Variants in CCDC85C observed in about 807,000 individuals in gnomAD.
CCDC85C encodes coiled-coil domain containing 85C, also known as coiled-coil domain-containing protein 85C.
In CCDC85C, 18 loss-of-function variants were observed where a neutral mutation model predicts 38.3. The observed-to-expected ratio is 0.47, with a 90% CI of 0.33 to 0.70. The LOEUF is 0.70. CCDC85C is among the 30% of genes least tolerant of loss of function. CCDC85C has a pLI of 0.03. For synonymous variants in CCDC85C, 264 were observed against 293.8 expected (o/e 0.90, Z 1.04); for missense variants, 566 against 621.2 (o/e 0.91, Z 0.94).
intron 1 of CCDC85C, among the ~76,000 whole-genome samples, chr14:99,579,342 G>A (rs1257792748): frequency 2.0e-5 from 3 of 152,256 alleles, no homozygotes; most frequent in African/African-American, 2.4e-5. Context: ...CTGCTCTGCC[G>A]GTGGAGGAAG....
At chr14:99,598,734 G>T (rs2055169481) in intron 1 of CCDC85C, among the ~76,000 whole-genome samples, 1 of 152,126 alleles carries the variant, frequency 6.6e-6, no homozygotes, top group Non-Finnish European at 1.5e-5. Flanking sequence ...AGCCCCACAG[G>T]ACCTAGAGCA....
intron 1 of CCDC85C, among the ~76,000 whole-genome samples, chr14:99,571,699 A>C (rs1240976661): frequency 6.6e-6 from 1 of 152,238 alleles, no homozygotes; most frequent in East Asian, 1.9e-4. Flanking sequence ...TAGAGAAAAA[A>C]AGTGGCTGGG....
At chr14:99,566,990 C>G (rs969437866) in intron 1 of CCDC85C, among the ~76,000 whole-genome samples, 3 of 152,222 alleles carry the variant, frequency 2.0e-5, no homozygotes, top group African/African-American at 7.2e-5. Flanking sequence ...AGGCAGCGCT[C>G]CAGCCTCAAG....
At chr14:99,524,969 C>T (rs1897355857) in intron 2 of CCDC85C, among the ~76,000 whole-genome samples, 1 of 152,236 alleles carries the variant, frequency 6.6e-6, no homozygotes, top group African/African-American at 2.4e-5. Flanking sequence ...GAATCCTTAA[C>T]AGGGTGGGGC....
At chr14:99,553,430 T>C (rs1897951419) in intron 1 of CCDC85C, among the ~76,000 whole-genome samples, 1 of 152,136 alleles carries the variant, frequency 6.6e-6, no homozygotes, top group Admixed American at 6.5e-5. Flanking sequence ...AATGGTGCGA[T>C]CTCAGCTCAC....
At chr14:99,577,908 TCCC>T (rs1407895980) in intron 1 of CCDC85C, among the ~76,000 whole-genome samples, 6 of 138,368 alleles carry the variant, frequency 4.3e-5, no homozygotes, top group East Asian at 2.2e-4. Context: ...CCATCCTGTA[TCCC>T]CCATCAGTGT....
rs1229357554 is a variant in CCDC85C at position 99,520,756 on chromosome 14, C to T, written c.975+1377G>A. Among the ~76,000 whole-genome samples the T allele has an allele frequency of 1.3e-5, 2 of 152,212 alleles. No homozygotes were observed. The highest frequency in any genetic ancestry group is 4.8e-5 in the African/African-American group (2 of 41,458). Reference sequence around the variant, plus strand: ...GGACGCACTCACCATGGGGCCCTGGCCATCCACCCCACCCCTGTGAGCCTC... The same window carrying T: ...GGACGCACTCACCATGGGGCCCTGGTCATCCACCCCACCCCTGTGAGCCTC... On this transcript the variant is annotated intron_variant, in intron 3 of 5. Transcript: ENST00000380243. This position sits in a 1 kb window ranked among gnomAD's most constrained non-coding sequence, Gnocchi z 4.1.
Position 99,604,168 on chromosome 14 carries a change from C to T in CCDC85C, c.-209G>A. 1 of 314,882 alleles carries T rather than the reference C, an allele frequency of 3.2e-6. No individual in the cohort carries two copies. The highest frequency in any genetic ancestry group is 4.6e-6 in the Non-Finnish European group (1 of 219,054). The allele number at this position is 314,882 out of a possible 1,614,324, so 19.5% of individuals were successfully genotyped here. A position where few individuals can be genotyped will look rare whatever the true frequency, so the allele number is the denominator to read the frequency against. On this transcript the variant is annotated 5_prime_UTR_variant, in exon 1 of 6. Coordinates refer to ENST00000380243, the MANE Select transcript of CCDC85C (RefSeq NM_001144995.2). The stretch of plus-strand genomic sequence containing the variant: ...CGGGGTTGACGAGCGGAGGCGGCTG[C>T]TGCGTCGGCGGCCGCGGTGCCGGGC...
intron 1 of CCDC85C, among the ~76,000 whole-genome samples, chr14:99,549,893 T>C (rs185456594): frequency 3.4e-4 from 52 of 152,274 alleles, no homozygotes; most frequent in African/African-American, 1.2e-3. Context: ...GAGGAGATAA[T>C]TGGTGCTGAG....
At chr14:99,557,644 A>G (rs560078891) in intron 1 of CCDC85C, among the ~76,000 whole-genome samples, 1 of 152,292 alleles carries the variant, frequency 6.6e-6, no homozygotes, top group Admixed American at 6.5e-5. Flanking sequence ...TGGCTCCCAC[A>G]TGGCTCACAC....
Position 99,588,095 on chromosome 14 carries a change from A to T in CCDC85C, c.793+15072T>A, listed in dbSNP as rs1233810650. On this transcript the variant is annotated intron_variant, in intron 1 of 5. Transcript: ENST00000380243. The surrounding 1 kb of genome is among the most constrained non-coding windows in gnomAD (Gnocchi z 5.0). ...ACAGGCCTCCTGGGCCGGATTCCCC[A>T]CTGGGTCTGTCGTCCCCAGTTCCTC... Among the ~76,000 whole-genome samples, 3 of 151,992 alleles carry T rather than the reference A, an allele frequency of 2.0e-5. No homozygotes were observed. Among genetic ancestry groups the T allele is most frequent in the Admixed American group, 2.0e-4 (3 of 15,266 alleles).
At chr14:99,597,047 A>G (rs1235388382) in intron 1 of CCDC85C, among the ~76,000 whole-genome samples, 1 of 152,122 alleles carries the variant, frequency 6.6e-6, no homozygotes, top group East Asian at 1.9e-4. Context: ...CCAGGTCTGG[A>G]ACCTACAGAA....
chr14:99,547,862 A>G (rs1206055834), intron 1 of CCDC85C, among the ~76,000 whole-genome samples: 1 of 152,050 alleles, frequency 6.6e-6, no homozygotes, highest in Non-Finnish European at 1.5e-5. Context: ...ATATATATAT[A>G]CACACACATA....
At chr14:99,577,142 TC>T (rs1220852344) in intron 1 of CCDC85C, among the ~76,000 whole-genome samples, 1 of 151,766 alleles carries the variant, frequency 6.6e-6, no homozygotes, top group Non-Finnish European at 1.5e-5. Flanking sequence ...CCTCTCTGGT[TC>T]CAAGTCGGCA....
Position 99,503,703 on chromosome 14 carries a change from T to G in CCDC85C, c.*11543A>C, listed in dbSNP as rs1896900687. ...TGTGTTTATATGCAAAACTTTAAAT[T>G]CTTAGCCAACATTGTTTCTTTTCAG... On this transcript the variant is annotated 3_prime_UTR_variant, in exon 6 of 6. Coordinates refer to ENST00000380243, the MANE Select transcript of CCDC85C (RefSeq NM_001144995.2). The G allele has an allele frequency of 7.1e-7, 1 of 1,399,220 alleles. No homozygotes were observed. The allele number at this position is 1,399,220 out of a possible 1,614,324, so 86.7% of individuals were successfully genotyped here.
In CCDC85C at chr14:99,558,927, C is replaced by A. The variant is rs1209152796; in HGVS notation, c.794-22839G>T. On this transcript the variant is annotated intron_variant, in intron 1 of 5. Transcript: ENST00000380243. This position sits in a 1 kb window ranked among gnomAD's most constrained non-coding sequence, Gnocchi z 4.2. ...GATGGTTTAGTGCCACCCCCTATTGCTGTTCTTGTGATACAGTTCCTCTGT... is the reference window on the plus strand; with the variant it reads ...GATGGTTTAGTGCCACCCCCTATTGATGTTCTTGTGATACAGTTCCTCTGT... 6.6e-6 allele frequency among the ~76,000 whole-genome samples: 1 copy of A among 152,154 alleles called. No individual in the cohort carries two copies. The highest frequency in any genetic ancestry group is 1.5e-5 in the Non-Finnish European group (1 of 68,030).
chr14:99,601,791 T>C (rs973903383), intron 1 of CCDC85C, among the ~76,000 whole-genome samples: 2 of 152,060 alleles, frequency 1.3e-5, no homozygotes, highest in Non-Finnish European at 2.9e-5. Context: ...AGCCATAGAT[T>C]GCTAATCAGT....
At chr14:99,592,344 A>G (rs1595107091) in intron 1 of CCDC85C, among the ~76,000 whole-genome samples, 1 of 152,182 alleles carries the variant, frequency 6.6e-6, no homozygotes, top group African/African-American at 2.4e-5. Flanking sequence ...GAAGGGACCC[A>G]AACCCAGAAG....
intron 1 of CCDC85C, among the ~76,000 whole-genome samples, chr14:99,567,675 A>C (rs998712354): frequency 6.6e-6 from 1 of 152,114 alleles, no homozygotes; most frequent in African/African-American, 2.4e-5. Context: ...AAATACAAAA[A>C]TTAGCTGGGC....
Sources: allele counts gnomAD v4.1 joint callset (sites outside exome capture counted in the v4.1 genomes callset), GRCh38; gene constraint gnomAD v4.1.1; non-coding constraint Gnocchi (gnomAD v3.1); transcripts MANE v1.5; gene names NCBI Gene and HGNC (gene_info 2026-07-23, HGNC 2026-07-21).